The following SHANK2 variants were observed in gnomAD, a reference collection of about 807,000 sequenced individuals.
SHANK2 encodes the protein SH3 and multiple ankyrin repeat domains 2.
SHANK2 carries 43 observed loss-of-function variants against 133.7 expected under a neutral mutation model. That is an observed-to-expected ratio of 0.32 (90% CI 0.25 to 0.41). The LOEUF (loss-of-function observed/expected upper bound fraction) is 0.41. Ranked by LOEUF, SHANK2 falls within the 10% of genes least tolerant of loss-of-function variation. SHANK2 has a pLI of 1.00. For missense variants in SHANK2, 1,994 were observed against 2,235.8 expected (o/e 0.89, Z 2.18); for synonymous variants, 1,017 against 952.8 (o/e 1.07, Z -1.24).
chr11:70,503,533 C>T (rs2059091828), intron 17 of SHANK2, among the ~76,000 whole-genome samples: 1 of 152,224 alleles, frequency 6.6e-6, no homozygotes, highest in African/African-American at 2.4e-5. Context: ...GGGGCCCTGT[C>T]CCTGTGCTGG....
chr11:70,778,150 T>A (rs532145359), intron 14 of SHANK2, among the ~76,000 whole-genome samples: 3 of 152,284 alleles, frequency 2.0e-5, no homozygotes, highest in East Asian at 3.9e-4. Context: ...GAGACATAAA[T>A]CAGGAGTCAT....
At chr11:71,193,578 G>A (rs542582310) in intron 2 of SHANK2, among the ~76,000 whole-genome samples, 1 of 152,274 alleles carries the variant, frequency 6.6e-6, no homozygotes, top group East Asian at 1.9e-4. Context: ...GTGACTGTTA[G>A]GACCAGAGTC....
Position 71,139,467 on chromosome 11 carries a change from C to G in SHANK2, c.207+7653G>C, listed in dbSNP as rs189502639. On this transcript the variant is annotated intron_variant, in intron 3 of 25. Transcript: ENST00000601538. The stretch of plus-strand genomic sequence containing the variant: ...TGTATACATATGTAACTAACCTGCA[C>G]ATTGTGCACATGGACCCTAAAACTT... 2.0e-3 allele frequency among the ~76,000 whole-genome samples: 301 copies of G among 151,982 alleles called. 2 individuals carry two copies. The highest frequency in any genetic ancestry group is 6.8e-3 in the African/African-American group (280 of 41,440).
At chr11:70,560,184 T>A (rs1203663614) in intron 17 of SHANK2, among the ~76,000 whole-genome samples, 2 of 152,140 alleles carry the variant, frequency 1.3e-5, no homozygotes, top group Non-Finnish European at 2.9e-5. Context: ...GGGTTGTATT[T>A]CAAGTGGAGC....
At chr11:70,827,690 AAC>A (rs113156725) in intron 11 of SHANK2, among the ~76,000 whole-genome samples, 56,436 of 129,936 alleles carry the variant, frequency 0.43, 12,214 homozygotes, top group East Asian at 0.58. Flanking sequence ...AGAAATTTAA[AAC>A]ACACACACAC....
intron 17 of SHANK2, among the ~76,000 whole-genome samples, chr11:70,632,419 C>T (rs572636901): frequency 7.2e-5 from 11 of 152,236 alleles, no homozygotes; most frequent in African/African-American, 2.6e-4. Flanking sequence ...ATCCACGCTC[C>T]CTGCTCCTGG....
At position 71,234,362 on chromosome 11, in the gene SHANK2, AAAAT is replaced by A. The variant is rs60796828; in HGVS notation, c.-112-9570_-112-9567del. On this transcript the variant is annotated intron_variant, in intron 1 of 25. Transcript: ENST00000601538. ...GGGCAACAGAGCAAGACTCATCTCA[AAAAT>A]AAATAAATAAATAAATAAATAAATA... is the stretch of plus-strand genomic sequence containing the variant. Among the ~76,000 whole-genome samples, 719 of 141,092 alleles carry A rather than the reference AAAAT, an allele frequency of 5.1e-3. 1 individual carries two copies. The highest frequency in any genetic ancestry group is 9.0e-3 in the South Asian group (38 of 4,210). The allele number at this position is 141,092 out of a possible 152,430, so 92.6% of individuals were successfully genotyped here.
intron 17 of SHANK2, among the ~76,000 whole-genome samples, chr11:70,537,596 G>C (rs1554974375): frequency 6.6e-6 from 1 of 152,228 alleles, no homozygotes. Context: ...CTGCAGCCCT[G>C]TGAGGCTGCT....
intron 17 of SHANK2, among the ~76,000 whole-genome samples, chr11:70,645,821 C>T (rs782499019): frequency 6.6e-6 from 1 of 152,084 alleles, no homozygotes; most frequent in Non-Finnish European, 1.5e-5. Context: ...CCTCTGACCC[C>T]CTGCCCTGCC....
At chr11:71,228,418 G>A (rs1954679951) in intron 1 of SHANK2, among the ~76,000 whole-genome samples, 1 of 152,080 alleles carries the variant, frequency 6.6e-6, no homozygotes, top group South Asian at 2.1e-4. Flanking sequence ...TTATTTTATG[G>A]AGCAACTACT....
chr11:70,659,928 G>A lies in SHANK2; in HGVS notation c.1961C>T (p.Thr654Ile). ...AKADTPIEEF[T>I]PTPAFPALQY... is the part of the protein sequence containing the mutation. ...TAGGGCTGGGAAAGCCGGTGTTGGT[G>A]TGAATTCTTCAATGGGTGTGTCAGC... The change falls in exon 17 of 26, where the codon ACA becomes ATA. Residue 654 changes from threonine to isoleucine, a missense_variant. By Grantham distance (89) the Thr-to-Ile change is moderately conservative. Around this residue, in one of 5 missense-constraint regions of SHANK2, gnomAD observed 14 missense variants for 42.4 expected, o/e 0.33. Coordinates refer to ENST00000601538, the MANE Select transcript of SHANK2 (RefSeq NM_012309.5). 6.2e-7 allele frequency: 1 copy of A among 1,614,232 alleles called. No homozygotes were observed. Among genetic ancestry groups the A allele is most frequent in the South Asian group, 1.1e-5 (1 of 91,086 alleles).
intron 9 of SHANK2, among the ~76,000 whole-genome samples, chr11:71,061,802 T>C (rs1235222848): frequency 1.3e-5 from 2 of 151,724 alleles, no homozygotes; most frequent in African/African-American, 2.4e-5. Flanking sequence ...TGAGACAGAG[T>C]GTGGAGAGCA....
intron 11 of SHANK2, among the ~76,000 whole-genome samples, chr11:70,872,052 A>G (rs565295333): frequency 6.6e-6 from 1 of 152,210 alleles, no homozygotes; most frequent in Non-Finnish European, 1.5e-5. Flanking sequence ...CTGCTTCTGC[A>G]GCAGTAGGAT....
rs147567839 is a variant in SHANK2, at chr11:70,679,083, C to T, written c.1854-17405G>A. Among the ~76,000 whole-genome samples, 25 of 152,320 alleles carry T rather than the reference C, an allele frequency of 1.6e-4. No individual in the cohort carries two copies. The East Asian group carries it at 3.5e-3, about 21-fold the overall frequency. On this transcript the variant is annotated intron_variant, in intron 15 of 25. Coordinates refer to ENST00000601538, the MANE Select transcript of SHANK2 (RefSeq NM_012309.5). ...ACCAGGCCCGTAACAGGTGACGGCA[C>T]GGGGTCATCCGTGCAAATGCAGGTA...
chr11:70,580,679 C>T (rs1301561933), intron 17 of SHANK2, among the ~76,000 whole-genome samples: 2 of 152,234 alleles, frequency 1.3e-5, no homozygotes, highest in Admixed American at 6.5e-5. Flanking sequence ...GCCACTTCCT[C>T]CCACTCTTCA....
At chr11:70,607,799 C>T (rs558946036) in intron 17 of SHANK2, among the ~76,000 whole-genome samples, 209 of 152,348 alleles carry the variant, frequency 1.4e-3, no homozygotes, top group African/African-American at 4.5e-3. Context: ...CCTGGCTGGC[C>T]AGTTCCGAGA....
At chr11:70,940,397 C>T (rs1555084208) in intron 10 of SHANK2, among the ~76,000 whole-genome samples, 4 of 151,734 alleles carry the variant, frequency 2.6e-5, no homozygotes, top group Admixed American at 1.3e-4. Flanking sequence ...CAGGCACATG[C>T]CACCACGCCC....
At chr11:70,762,188 G>A (rs144209874) in intron 14 of SHANK2, among the ~76,000 whole-genome samples, 4 of 152,286 alleles carry the variant, frequency 2.6e-5, no homozygotes, top group Middle Eastern at 3.4e-3. Context: ...CTCCAACAAA[G>A]CAAAACCTAA....
intron 17 of SHANK2, among the ~76,000 whole-genome samples, chr11:70,630,832 C>T (rs1314941352): frequency 1.3e-5 from 2 of 152,182 alleles, no homozygotes; most frequent in Non-Finnish European, 2.9e-5. Flanking sequence ...GTTGTTCAAG[C>T]CCCAGCTGGT....
Sources: allele counts gnomAD v4.1 joint callset (sites outside exome capture counted in the v4.1 genomes callset), GRCh38; gene constraint gnomAD v4.1.1; regional missense constraint gnomAD v4.1.1; transcripts MANE v1.5; gene names NCBI Gene and HGNC (gene_info 2026-07-23, HGNC 2026-07-21).